IGSF3: variants seen among roughly 807,000 people sequenced by gnomAD.
IGSF3 encodes the protein glu-Trp-Ile EWI motif-containing protein 3.
IGSF3 carries 23 observed loss-of-function variants against 114.4 expected under a neutral mutation model. That is an observed-to-expected ratio of 0.20 (90% CI 0.14 to 0.28). IGSF3 has a LOEUF of 0.28. Ranked by LOEUF, IGSF3 falls within the 10% of genes least tolerant of loss-of-function variation. IGSF3 has a pLI of 1.00. For missense variants in IGSF3, 1,172 were observed against 1,591.5 expected (o/e 0.74, Z 4.48); for synonymous variants, 571 against 645.2 (o/e 0.88, Z 1.74).
At chr1:116,578,274 C>T (rs1198880957) in intron 10 of IGSF3, among the ~76,000 whole-genome samples, 1 of 152,172 alleles carries the variant, frequency 6.6e-6, no homozygotes, top group Non-Finnish European at 1.5e-5. Context: ...CTCGATGAAG[C>T]TTAATAATTA....
In IGSF3 at chr1:116,614,344, T is replaced by C. The variant is rs1661139105; in HGVS notation, c.422-169A>G. The stretch of plus-strand genomic sequence containing the variant: ...GCCCCAAATGCACATAAACAGAAAG[T>C]TTTCTGTTTGGATTTGGAAATGCAT... On this transcript the variant is annotated intron_variant, in intron 3 of 10. Transcript: ENST00000369486. The surrounding 1 kb of genome is among the most constrained non-coding windows in gnomAD (Gnocchi z 4.5). Among the ~76,000 whole-genome samples, 1 of 152,130 alleles carries C rather than the reference T, an allele frequency of 6.6e-6. No individual in the cohort carries two copies. The highest frequency in any genetic ancestry group is 1.5e-5 in the Non-Finnish European group (1 of 68,026).
chr1:116,600,152 C>G lies in IGSF3; in HGVS notation c.1818G>C (p.Trp606Cys). The G allele has an allele frequency of 1.2e-6, 2 of 1,614,128 alleles. No individual in the cohort carries two copies. Among genetic ancestry groups the G allele is most frequent in the Non-Finnish European group, 1.7e-6 (2 of 1,179,996 alleles). The change falls in exon 7 of 11, where the codon TGG becomes TGC. Residue 606 changes from tryptophan to cysteine, a missense_variant. Physicochemically the swap from Trp to Cys is radical, Grantham distance 215. Coordinates refer to ENST00000369486, the MANE Select transcript of IGSF3 (RefSeq NM_001007237.3). The surrounding 1 kb of genome is among the most constrained non-coding windows in gnomAD (Gnocchi z 5.5). ...TTCGGAAGCTGGAGGACCTGTCCCC[C>G]CACTGGACCCCTCCGTCCCGGGTGA... is the stretch of plus-strand genomic sequence containing the variant. ...VTFTRDGGVQ[W>C]GDRSSSFRTR... is the part of the protein sequence containing the mutation.
intron 2 of IGSF3, among the ~76,000 whole-genome samples, chr1:116,653,763 A>T (rs1325982411): frequency 6.6e-6 from 1 of 152,210 alleles, no homozygotes; most frequent in African/African-American, 2.4e-5. Flanking sequence ...CTAGAGGCAT[A>T]TTAGTTCTCT....
Position 116,647,416 on chromosome 1 carries a change from T to G in IGSF3, c.43+18868A>C, listed in dbSNP as rs116396991. Among the ~76,000 whole-genome samples the G allele has an allele frequency of 0.031, 4,651 of 152,202 alleles. 78 individuals carry two copies. The highest frequency in any genetic ancestry group is 0.065 in the African/African-American group (2,693 of 41,510). On this transcript the variant is annotated intron_variant, in intron 2 of 10. Transcript: ENST00000369486. The surrounding 1 kb of genome is among the most constrained non-coding windows in gnomAD (Gnocchi z 4.6). The stretch of plus-strand genomic sequence containing the variant: ...TGGCCCAAATTCCAGCTCCAAATGG[T>G]CACACCATGTCTACAGCCAATCAGC...
At position 116,607,083 on chromosome 1, in the gene IGSF3, T is replaced by C. The variant is rs1180927694; in HGVS notation, c.1222+859A>G. Among the ~76,000 whole-genome samples, 2 of 152,176 alleles carry C rather than the reference T, an allele frequency of 1.3e-5. No homozygotes were observed. Among genetic ancestry groups the C allele is most frequent in the Admixed American group, 1.3e-4 (2 of 15,292 alleles). ...ATTATTACAAGGCTCAGAGAAAGAA[T>C]AGTTTGAGCAGCTGAGACAAGGTTA... On this transcript the variant is annotated intron_variant, in intron 5 of 10. Coordinates refer to ENST00000369486, the MANE Select transcript of IGSF3 (RefSeq NM_001007237.3). This position sits in a 1 kb window ranked among gnomAD's most constrained non-coding sequence, Gnocchi z 6.1.
intron 2 of IGSF3, among the ~76,000 whole-genome samples, chr1:116,630,519 T>A (rs571076704): frequency 1.3e-5 from 2 of 152,158 alleles, no homozygotes; most frequent in South Asian, 4.2e-4. Context: ...CTCGGAAAAA[T>A]TGTCAGTGGG....
intron 2 of IGSF3, among the ~76,000 whole-genome samples, chr1:116,658,370 CT>C (rs1648959553): frequency 6.6e-6 from 1 of 152,064 alleles, no homozygotes; most frequent in African/African-American, 2.4e-5. Flanking sequence ...TACAGAAGCT[CT>C]TGCTTTGGTA....
rs556729420 is a variant in IGSF3, at chr1:116,582,714, A to G, written c.2848+1931T>C. On this transcript the variant is annotated intron_variant, in intron 9 of 10. Transcript: ENST00000369486. The surrounding 1 kb of genome is among the most constrained non-coding windows in gnomAD (Gnocchi z 4.7). ...TCATAAAAGAAAGTTGAGTGGGAAA[A>G]AAGATCACATAAAACAGTAAGATCC... is the stretch of plus-strand genomic sequence containing the variant. Among the ~76,000 whole-genome samples the G allele has an allele frequency of 2.7e-3, 413 of 152,350 alleles. No individual in the cohort carries two copies. The highest frequency in any genetic ancestry group is 9.1e-3 in the African/African-American group (380 of 41,580).
At chr1:116,602,374 A>AC (rs1450075360) in intron 6 of IGSF3, among the ~76,000 whole-genome samples, 4 of 151,680 alleles carry the variant, frequency 2.6e-5, no homozygotes, top group Non-Finnish European at 5.9e-5. Context: ...AAAAAAAAAA[A>AC]AACACACCAG....
In IGSF3 at chr1:116,595,866, T is replaced by A. The variant is rs1660321450; in HGVS notation, c.2029+4075A>T. On this transcript the variant is annotated intron_variant, in intron 7 of 10. Transcript: ENST00000369486. The surrounding 1 kb of genome is among the most constrained non-coding windows in gnomAD (Gnocchi z 4.2). ...ACAATTAAAAGAGAAAAGAACTGAT[T>A]AAGAGCTAATAATCAAACATGTGAA... Among the ~76,000 whole-genome samples, 1 of 152,150 alleles carries A rather than the reference T, an allele frequency of 6.6e-6. No individual in the cohort carries two copies. The highest frequency in any genetic ancestry group is 6.6e-5 in the Admixed American group (1 of 15,264).
intron 2 of IGSF3, among the ~76,000 whole-genome samples, chr1:116,623,959 C>T (rs61787761): frequency 6.7e-6 from 1 of 150,308 alleles, no homozygotes; most frequent in Admixed American, 6.6e-5. Context: ...TGGTGATGTG[C>T]GCCTGTAATC....
chr1:116,625,764 GT>G lies in IGSF3; in HGVS notation c.44-9308del. ...ATTCTTTCTCTTATCTGAATCCCCAGTGGTACCTAAAATAGAGCTGGTCTAA... is the reference window on the plus strand; with the variant it reads ...ATTCTTTCTCTTATCTGAATCCCCAGGGTACCTAAAATAGAGCTGGTCTAA... On this transcript the variant is annotated intron_variant, in intron 2 of 10. Transcript: ENST00000369486. The surrounding 1 kb of genome is among the most constrained non-coding windows in gnomAD (Gnocchi z 4.7). 6.6e-6 allele frequency among the ~76,000 whole-genome samples: 1 copy of G among 152,290 alleles called. No homozygotes were observed. Among genetic ancestry groups the G allele is most frequent in the East Asian group, 1.9e-4 (1 of 5,186 alleles).
In IGSF3 at chr1:116,575,695, G is replaced by GA. The variant is rs1305458798; in HGVS notation, c.*1616dup. ...GTAAAGGAGATGGCATGCTTGGCCA[G>GA]AAAAATATGGGAAAGCAAGGGTATA... On this transcript the variant is annotated 3_prime_UTR_variant, in exon 11 of 11. Coordinates refer to ENST00000369486, the MANE Select transcript of IGSF3 (RefSeq NM_001007237.3). This position sits in a 1 kb window ranked among gnomAD's most constrained non-coding sequence, Gnocchi z 5.6. 1 of 152,224 alleles carries GA rather than the reference G, an allele frequency of 6.6e-6. No individual in the cohort carries two copies. Among genetic ancestry groups the GA allele is most frequent in the Non-Finnish European group, 1.5e-5 (1 of 68,048 alleles). 9.4% of individuals were successfully genotyped at this position (152,224 alleles called of 1,614,324 possible). A position where few individuals can be genotyped will look rare whatever the true frequency, so the allele number is the denominator to read the frequency against.
chr1:116,604,105 G>T, intron 5 of IGSF3, 80 bp from the exon 6 acceptor site: 1 of 1,245,614 alleles, frequency 8.0e-7, no homozygotes, highest in South Asian at 1.5e-5. Flanking sequence ...CAGGAGAAGG[G>T]GTGCAAATGG....
chr1:116,583,849 G>T lies in IGSF3; in HGVS notation c.2848+796C>A, dbSNP rs779240318. Among the ~76,000 whole-genome samples, 15 of 152,092 alleles carry T rather than the reference G, an allele frequency of 9.9e-5. No homozygotes were observed. Among genetic ancestry groups the T allele is most frequent in the Non-Finnish European group, 2.1e-4 (14 of 68,014 alleles). Reference sequence around the variant, plus strand: ...TTAGATATTTAGAAACAGCAATAAAGACAAGAAAAACAAAAGGCCACACAG... The same window carrying T: ...TTAGATATTTAGAAACAGCAATAAATACAAGAAAAACAAAAGGCCACACAG... On this transcript the variant is annotated intron_variant, in intron 9 of 10. Coordinates refer to ENST00000369486, the MANE Select transcript of IGSF3 (RefSeq NM_001007237.3). The surrounding 1 kb of genome is among the most constrained non-coding windows in gnomAD (Gnocchi z 4.5).
intron 4 of IGSF3, among the ~76,000 whole-genome samples, chr1:116,611,619 T>C (rs1661026021): frequency 6.6e-6 from 1 of 151,916 alleles, no homozygotes; most frequent in African/African-American, 2.4e-5. Context: ...GGCAAACATA[T>C]CAAACACTTT....
Position 116,603,978 on chromosome 1 carries a change from C to G in IGSF3, c.1270G>C (p.Glu424Gln). Residue 424 changes from glutamate to glutamine, a missense_variant, in exon 6 of 11, where the codon GAG becomes CAG. Around this residue, in one of 3 missense-constraint regions of IGSF3, gnomAD observed 736 missense variants for 1,042.0 expected, o/e 0.71. Coordinates refer to ENST00000369486, the MANE Select transcript of IGSF3 (RefSeq NM_001007237.3). This position sits in a 1 kb window ranked among gnomAD's most constrained non-coding sequence, Gnocchi z 7.1. ...EVASNASVIL[E>Q]GEDLRFSCSV... is the part of the protein sequence containing the mutation. ...CAGGAGAAGCGCAGGTCCTCGCCCT[C>G]AAGGATGACGCTGGCATTGCTGGCC... 5.0e-6 allele frequency: 8 copies of G among 1,612,402 alleles called. No homozygotes were observed. Among genetic ancestry groups the G allele is most frequent in the Non-Finnish European group, 6.8e-6 (8 of 1,179,952 alleles).
At position 116,610,812 on chromosome 1, in the gene IGSF3, C is replaced by T. The variant is rs941353776; in HGVS notation, c.833-2481G>A. Among the ~76,000 whole-genome samples the T allele has an allele frequency of 6.6e-6, 1 of 152,214 alleles. No individual in the cohort carries two copies. Among genetic ancestry groups the T allele is most frequent in the Admixed American group, 6.5e-5 (1 of 15,280 alleles). On this transcript the variant is annotated intron_variant, in intron 4 of 10. Transcript: ENST00000369486. This position sits in a 1 kb window ranked among gnomAD's most constrained non-coding sequence, Gnocchi z 4.3. ...AGGCTCGGTCTCTGAGCCCCAGACC[C>T]CTGTGTCTGAGGACCCACTGGGTGT... is the stretch of plus-strand genomic sequence containing the variant.
chr1:116,585,759 T>C lies in IGSF3; in HGVS notation c.2441-707A>G, dbSNP rs1038579923. 1.3e-5 allele frequency among the ~76,000 whole-genome samples: 2 copies of C among 152,044 alleles called. No individual in the cohort carries two copies. Among genetic ancestry groups the C allele is most frequent in the Admixed American group, 6.6e-5 (1 of 15,250 alleles). ...CAACACAATGAAACCCCATCTCTAC[T>C]AAAAATACAAAAATTAGCCAGGTGT... On this transcript the variant is annotated intron_variant, in intron 8 of 10. Coordinates refer to ENST00000369486, the MANE Select transcript of IGSF3 (RefSeq NM_001007237.3). This position sits in a 1 kb window ranked among gnomAD's most constrained non-coding sequence, Gnocchi z 4.9.
Sources: gnomAD v4.1 joint callset for allele counts (sites outside exome capture counted in the v4.1 genomes callset) on GRCh38, gnomAD v4.1.1 for gene constraint, gnomAD v4.1.1 regional missense constraint, Gnocchi (gnomAD v3.1) non-coding constraint, MANE v1.5 for transcripts, NCBI Gene and HGNC (gene_info 2026-07-23, HGNC 2026-07-21) for gene names.